The following WDHD1 variants were observed in gnomAD, a reference collection of about 807,000 sequenced individuals.
WDHD1 encodes the protein WD repeat and HMG-box DNA-binding protein 1.
WDHD1 carries 111 observed loss-of-function variants against 135.4 expected under a neutral mutation model. That is an observed-to-expected ratio of 0.82 (90% CI 0.70 to 0.96). WDHD1 has a LOEUF of 0.96. Ranked by LOEUF, WDHD1 falls within the 40% of genes least tolerant of loss-of-function variation. WDHD1 has a pLI of 0.00. For synonymous variants in WDHD1, 434 were observed against 439.0 expected, an observed-to-expected ratio of 0.99 and a Z score of 0.14; for missense variants, 1,351 against 1,336.3, an observed-to-expected ratio of 1.01 and a Z score of -0.17.
At position 54,939,206 on chromosome 14, in the gene WDHD1, G is replaced by C. The variant is rs2040806112; in HGVS notation, c.*2284C>G. On this transcript the variant is annotated 3_prime_UTR_variant, in exon 26 of 26. Coordinates refer to ENST00000360586, the MANE Select transcript of WDHD1 (RefSeq NM_007086.4). ...TAATAAAACAGATGGGAAACAAAGA[G>C]GGCCCATAAGACAGTCACTGATTAA... 1 of 152,182 alleles carries C rather than the reference G, an allele frequency of 6.6e-6. No individual in the cohort carries two copies. The highest frequency in any genetic ancestry group is 1.5e-5 in the Non-Finnish European group (1 of 68,022). The allele number at this position is 152,182 out of a possible 1,614,324, so 9.4% of individuals were successfully genotyped here.
In WDHD1 at chr14:54,981,572, C is replaced by T. The variant is rs749737758; in HGVS notation, c.2031G>A (p.Val677=). ...GCTGGGGATTTTCATGGATACCAAC[C>T]ACCCAGTAGTGATCAGATTTTCCTT... ...HCKGKSDHYW[V]VGIHENPQQL... is the part of the protein sequence containing the mutation. The change falls in exon 16 of 26, where the codon GTG becomes GTA. Residue 677 remains valine (V), a synonymous_variant. Coordinates refer to ENST00000360586, the MANE Select transcript of WDHD1 (RefSeq NM_007086.4). The T allele has an allele frequency of 1.9e-6, 3 of 1,609,812 alleles. No individual in the cohort carries two copies. The East Asian group carries it at 6.7e-5, about 36-fold the overall frequency.
chr14:54,944,210 G>T, intron 25 of WDHD1, 122 bp downstream of exon 25: 1 of 1,267,694 alleles, frequency 7.9e-7, no homozygotes. Flanking sequence ...GATCCGCCTC[G>T]ACCTCCCAAT....
rs1015743427 is a variant in WDHD1 at position 55,027,096 on chromosome 14, C to A, written c.-85G>T. On this transcript the variant is annotated 5_prime_UTR_variant, in exon 1 of 26. Transcript: ENST00000360586. ...TTCCCGCGCTTCGGCTCGCTCACCA[C>A]ACTGCGCCTGCGCCGACCCGCCCAC... is the stretch of plus-strand genomic sequence containing the variant. The A allele has an allele frequency of 5.5e-6, 2 of 366,836 alleles. No individual in the cohort carries two copies. Among genetic ancestry groups the A allele is most frequent in the Non-Finnish European group, 1.0e-5 (2 of 192,396 alleles). The allele number at this position is 366,836 out of a possible 1,614,324, so 22.7% of individuals were successfully genotyped here.
chr14:55,023,066 G>A (rs2042376348), intron 2 of WDHD1, among the ~76,000 whole-genome samples: 3 of 151,824 alleles, frequency 2.0e-5, no homozygotes. Flanking sequence ...CACCCACCTC[G>A]GCCTCCCAAA....
At chr14:54,967,528 T>C (rs2041364682) in intron 16 of WDHD1, 134 bp from the exon 17 acceptor site, 1 of 547,196 alleles carries the variant, frequency 1.8e-6, no homozygotes. Context: ...ATATAACAAA[T>C]ATCTCTTTTT....
At chr14:54,982,047 C>G (rs1413808885) in intron 15 of WDHD1, among the ~76,000 whole-genome samples, 1 of 151,034 alleles carries the variant, frequency 6.6e-6, no homozygotes, top group Non-Finnish European at 1.5e-5. Context: ...TTGCTGTGTA[C>G]CCAGGCTGGA....
chr14:54,982,970 G>C (rs1022508357), intron 15 of WDHD1, among the ~76,000 whole-genome samples: 4 of 151,998 alleles, frequency 2.6e-5, no homozygotes. Context: ...TTCAAAACCA[G>C]CCTAGCCAAC....
intron 21 of WDHD1, among the ~76,000 whole-genome samples, chr14:54,959,088 T>C (rs1262338336): frequency 6.6e-6 from 1 of 152,102 alleles, no homozygotes; most frequent in East Asian, 1.9e-4. Context: ...AATTAAGAGC[T>C]TTCCTGGCAT....
At chr14:54,973,151 T>A (rs1273127865) in intron 16 of WDHD1, among the ~76,000 whole-genome samples, 5 of 152,234 alleles carry the variant, frequency 3.3e-5, no homozygotes, top group African/African-American at 9.6e-5. Context: ...CATATTTTCA[T>A]AAAGTCATTT....
chr14:54,947,725 G>C (rs2040952885), intron 24 of WDHD1, among the ~76,000 whole-genome samples: 2 of 151,794 alleles, frequency 1.3e-5, no homozygotes, highest in Admixed American at 1.3e-4. Flanking sequence ...CCAAGTAGCT[G>C]GGATTACAGG....
At chr14:54,976,124 A>G (rs1769624830) in intron 16 of WDHD1, among the ~76,000 whole-genome samples, 1 of 152,204 alleles carries the variant, frequency 6.6e-6, no homozygotes, top group African/African-American at 2.4e-5. Context: ...GCTCTGGACC[A>G]CTAGGCCACA....
chr14:55,010,594 A>G, intron 3 of WDHD1, 134 bp from the exon 4 acceptor site: 2 of 790,674 alleles, frequency 2.5e-6, no homozygotes, highest in Non-Finnish European at 1.8e-6. Flanking sequence ...AATTATCACT[A>G]AATGTACAAC....
At chr14:55,023,995 T>A (rs550943247) in intron 2 of WDHD1, among the ~76,000 whole-genome samples, 4 of 152,220 alleles carry the variant, frequency 2.6e-5, no homozygotes, top group South Asian at 2.1e-4. Flanking sequence ...AGTATCTACA[T>A]AGATTTTATG....
At chr14:55,020,435 T>C (rs577187586) in intron 2 of WDHD1, among the ~76,000 whole-genome samples, 1 of 152,358 alleles carries the variant, frequency 6.6e-6, no homozygotes, top group East Asian at 1.9e-4. Context: ...ATCCTTCTTG[T>C]CTTTCAGTTC....
In WDHD1 at chr14:55,000,935, T is replaced by C; in HGVS notation, c.751A>G (p.Asn251Asp). Residue 251 changes from asparagine to aspartate, a missense_variant, in exon 9 of 26, where the codon AAT (asparagine) becomes GAT (aspartate). Coordinates refer to ENST00000360586, the MANE Select transcript of WDHD1 (RefSeq NM_007086.4). ...ACATTCCAAACTATGATTAGACCAT[T>C]AATACTACCTGCAGCTAAATATTGC... ...CGQYLAAGSINGLIIVWNVET... is the reference protein window; with the variant it reads ...CGQYLAAGSIDGLIIVWNVET... 1.3e-6 allele frequency: 2 copies of C among 1,596,032 alleles called. No individual in the cohort carries two copies. Among genetic ancestry groups the C allele is most frequent in the Non-Finnish European group, 1.7e-6 (2 of 1,172,238 alleles).
chr14:55,006,601 T>C (rs928454581), intron 7 of WDHD1, among the ~76,000 whole-genome samples: 1 of 152,214 alleles, frequency 6.6e-6, no homozygotes, highest in Non-Finnish European at 1.5e-5. Flanking sequence ...TTCTCTTTCT[T>C]CCTTTCAAAT....
At chr14:54,992,620 A>C (rs2041810344) in intron 11 of WDHD1, among the ~76,000 whole-genome samples, 1 of 152,188 alleles carries the variant, frequency 6.6e-6, no homozygotes. Context: ...CAACACTAGC[A>C]GATATAATTT....
intron 2 of WDHD1, among the ~76,000 whole-genome samples, chr14:55,024,505 C>T (rs1037981329): frequency 6.6e-6 from 1 of 152,170 alleles, no homozygotes. Flanking sequence ...TTTCTACACA[C>T]CCATGTTTAC....
intron 20 of WDHD1, 21 bp from the exon 21 acceptor site, chr14:54,962,572 A>G: frequency 6.3e-7 from 1 of 1,591,640 alleles, no homozygotes; most frequent in Non-Finnish European, 8.6e-7. Flanking sequence ...AAATAAAGCA[A>G]TATAATGTAA....
Sources: gnomAD v4.1 joint callset for allele counts (sites outside exome capture counted in the v4.1 genomes callset) on GRCh38, gnomAD v4.1.1 for gene constraint, MANE v1.5 for transcripts, NCBI Gene and HGNC (gene_info 2026-07-23, HGNC 2026-07-21) for gene names.